TOGARAM2: variants seen among roughly 807,000 people sequenced by gnomAD.
The protein encoded by TOGARAM2 is TOG array regulator of axonemal microtubules 2, also known as TOG array regulator of axonemal microtubules protein 2.
In TOGARAM2, 85 loss-of-function variants were observed where a neutral mutation model predicts 93.3. The observed-to-expected ratio is 0.91, with a 90% CI of 0.76 to 1.09. The LOEUF is 1.09. Among genes scored for constraint, TOGARAM2 ranks in the 50% least tolerant of loss-of-function variants. The probability of loss-of-function intolerance (pLI) is 0.00; values close to 1 mark genes in which losing one functional copy is unlikely to be tolerated. For missense variants in TOGARAM2, 1,277 were observed against 1,334.5 expected, an observed-to-expected ratio of 0.96 and a Z score of 0.67; for synonymous variants, 593 against 552.8, an observed-to-expected ratio of 1.07 and a Z score of -1.02.
At chr2:29,005,399 G>C (rs1206895167) in intron 6 of TOGARAM2, among the ~76,000 whole-genome samples, 1 of 65,986 alleles carries the variant, frequency 1.5e-5, no homozygotes, top group African/African-American at 5.1e-5. Context: ...CATGTATGTG[G>C]AGTGTGTGTG....
chr2:29,037,086 T>G (rs991742621), intron 18 of TOGARAM2, among the ~76,000 whole-genome samples: 10 of 151,294 alleles, frequency 6.6e-5, no homozygotes, highest in Non-Finnish European at 1.3e-4. Flanking sequence ...AGGCTTAAGC[T>G]GGGCTGGGGC....
At chr2:29,030,509 TG>T (rs1346058689) in intron 14 of TOGARAM2, among the ~76,000 whole-genome samples, 1 of 152,096 alleles carries the variant, frequency 6.6e-6, no homozygotes, top group African/African-American at 2.4e-5. Context: ...TGGTTTTAAA[TG>T]GTTGTTAGAG....
In TOGARAM2 at chr2:28,998,195, T is replaced by G; in HGVS notation, c.81T>G (p.Ser27Arg). Residue 27 changes from serine to arginine, a missense_variant, in exon 3 of 20, where the codon AGT becomes AGG. Transcript: ENST00000379558. ...ACTGCGGGAGCATCCCTCGGACCAG[T>G]GCTGGGCCCCGGGTGCTCCCGCCTG... Reference protein sequence around the residue: ...AVYCGSIPRTSAGPRVLPPGS... With the variant: ...AVYCGSIPRTRAGPRVLPPGS... 3.1e-6 allele frequency: 5 copies of G among 1,612,340 alleles called. No individual in the cohort carries two copies. The highest frequency in any genetic ancestry group is 4.2e-6 in the Non-Finnish European group (5 of 1,179,354).
chr2:29,031,375 C>T (rs1440713137), intron 14 of TOGARAM2, among the ~76,000 whole-genome samples: 7 of 152,302 alleles, frequency 4.6e-5, no homozygotes, highest in Non-Finnish European at 1.5e-5. Context: ...CAAACTTAGT[C>T]AGTGTTGCTC....
intron 1 of TOGARAM2, among the ~76,000 whole-genome samples, chr2:28,964,959 T>C (rs1236228480): frequency 2.6e-5 from 4 of 152,210 alleles, no homozygotes; most frequent in African/African-American, 9.7e-5. Flanking sequence ...TATGCGTGTA[T>C]GTATCTTTAT....
At chr2:29,020,987 C>T (rs978621437) in intron 10 of TOGARAM2, among the ~76,000 whole-genome samples, 2 of 152,128 alleles carry the variant, frequency 1.3e-5, no homozygotes, top group Non-Finnish European at 2.9e-5. Context: ...GATCTCGGCT[C>T]ACTGCAACCT....
At position 29,026,862 on chromosome 2, in the gene TOGARAM2, C is replaced by T. The variant is rs566106808; in HGVS notation, c.1863C>T (p.Asn621=). The change falls in exon 14 of 20, where the codon AAC becomes AAT. Residue 621 remains asparagine (N), a synonymous_variant. Transcript: ENST00000379558. The part of the protein sequence containing the change: ...VLTSAGVYHR[N]PLIRKYAAEH... ...CATGATTTCCTTTCAGCCACCGGAA[C>T]CCCTTGATCCGGAAATACGCGGCTG... 1.4e-5 allele frequency: 23 copies of T among 1,589,474 alleles called. No individual in the cohort carries two copies. The highest frequency in any genetic ancestry group is 1.9e-5 in the Non-Finnish European group (22 of 1,166,728).
chr2:29,002,492 G>A, intron 4 of TOGARAM2, 44 bp from the exon 5 acceptor site: 1 of 1,571,630 alleles, frequency 6.4e-7, no homozygotes, highest in Non-Finnish European at 8.7e-7. Context: ...TCCACTCCCT[G>A]TTCTTCTGGG....
chr2:28,983,199 T>TATATATATATATATATA (rs1491158838), intron 1 of TOGARAM2, among the ~76,000 whole-genome samples: 10 of 12,496 alleles, frequency 8.0e-4, no homozygotes, highest in African/African-American at 1.1e-3. Flanking sequence ...TATATATATA[T>TATATATATATATATATA]TTTTTTTTTT....
At position 29,012,873 on chromosome 2, in the gene TOGARAM2, C is replaced by T. The variant is rs115362028; in HGVS notation, c.877+1372C>T. On this transcript the variant is annotated intron_variant, in intron 7 of 19. Coordinates refer to ENST00000379558, the MANE Select transcript of TOGARAM2 (RefSeq NM_199280.4). ...AGGTGGTGCCTACCACATGTGCCCT[C>T]TGCTCTGCCTCTTACCTCTGGGCAG... Among the ~76,000 whole-genome samples the T allele has an allele frequency of 7.3e-4, 111 of 152,332 alleles. 1 individual carries two copies. Among genetic ancestry groups the T allele is most frequent in the African/African-American group, 2.5e-3 (103 of 41,584 alleles).
chr2:29,035,552 C>G lies in TOGARAM2; in HGVS notation c.2314C>G (p.Arg772Gly). Residue 772 changes from arginine (R) to glycine (G), a missense_variant, in exon 17 of 20, where the codon CGG becomes GGG. Physicochemically the swap from Arg to Gly is moderately radical, Grantham distance 125. Coordinates refer to ENST00000379558, the MANE Select transcript of TOGARAM2 (RefSeq NM_199280.4). Reference sequence around the variant, plus strand: ...GGTGGAGCAGCTACGGGAGCTGACACGGCTGCTGGAGGCCAAGGACTTCCG... The same window carrying G: ...GGTGGAGCAGCTACGGGAGCTGACAGGGCTGCTGGAGGCCAAGGACTTCCG... ...EMVEQLRELTRLLEAKDFRSR... is the reference protein window; with the variant it reads ...EMVEQLRELTGLLEAKDFRSR... 1.3e-6 allele frequency: 2 copies of G among 1,585,012 alleles called. No homozygotes were observed. The highest frequency in any genetic ancestry group is 1.7e-6 in the Non-Finnish European group (2 of 1,165,728).
chr2:29,022,442 A>T (rs1665017131), intron 11 of TOGARAM2, 134 bp downstream of exon 11: 1 of 1,226,142 alleles, frequency 8.2e-7, no homozygotes, highest in African/African-American at 1.5e-5. Context: ...GCCAGTTTGG[A>T]GGGAGGACTG....
At chr2:28,986,620 C>T (rs1308672900) in intron 1 of TOGARAM2, among the ~76,000 whole-genome samples, 1 of 152,238 alleles carries the variant, frequency 6.6e-6, no homozygotes, top group African/African-American at 2.4e-5. Flanking sequence ...GCTTCCTGCT[C>T]ACCCTGGACA....
chr2:28,984,069 T>C (rs1672353337), intron 1 of TOGARAM2, among the ~76,000 whole-genome samples: 1 of 151,846 alleles, frequency 6.6e-6, no homozygotes, highest in African/African-American at 2.4e-5. Context: ...ATTCTTCTTC[T>C]TGGAGAACCA....
At chr2:28,976,373 A>AAAC (rs369538045), upstream of TOGARAM2, among the ~76,000 whole-genome samples, 1,154 of 151,930 alleles carry the variant, frequency 7.6e-3, 14 homozygotes, top group African/African-American at 0.025. Context: ...TCCATCTCAA[A>AAAC]AACAACAACA....
At chr2:29,028,863 A>G (rs1362623825) in intron 14 of TOGARAM2, among the ~76,000 whole-genome samples, 1 of 152,260 alleles carries the variant, frequency 6.6e-6, no homozygotes, top group Non-Finnish European at 1.5e-5. Context: ...ATGGTGAATA[A>G]TAGTGCCATT....
intron 4 of TOGARAM2, among the ~76,000 whole-genome samples, chr2:29,001,081 G>A (rs1267125308): frequency 3.9e-5 from 6 of 152,140 alleles, no homozygotes; most frequent in Non-Finnish European, 2.9e-5. Context: ...TCTGGCCCCC[G>A]GGCAGTGCTG....
chr2:29,010,102 G>C lies in TOGARAM2; in HGVS notation c.831-1353G>C, dbSNP rs566885813. Among the ~76,000 whole-genome samples, 3 of 152,138 alleles carry C rather than the reference G, an allele frequency of 2.0e-5. No individual in the cohort carries two copies. The East Asian group carries it at 5.8e-4, about 29-fold the overall frequency. ...GAGGCTGCAGCTCAGGGCCCCAGGG[G>C]CAAAGCCGAGGCATAAGCATTGGGG... On this transcript the variant is annotated intron_variant, in intron 6 of 19. Coordinates refer to ENST00000379558, the MANE Select transcript of TOGARAM2 (RefSeq NM_199280.4).
At chr2:28,977,959 T>C (rs1672061626), upstream of TOGARAM2, among the ~76,000 whole-genome samples, 1 of 151,900 alleles carries the variant, frequency 6.6e-6, no homozygotes, top group South Asian at 2.1e-4. Context: ...CAGGCTGGAG[T>C]GCAGTGGCAC....
Sources: allele counts gnomAD v4.1 joint callset (sites outside exome capture counted in the v4.1 genomes callset), GRCh38; gene constraint gnomAD v4.1.1; transcripts MANE v1.5; gene names NCBI Gene and HGNC (gene_info 2026-07-23, HGNC 2026-07-21).